Variants in TCFL5 observed in about 807,000 individuals in gnomAD.
The protein encoded by TCFL5 is transcription factor-like 5 protein.
Under a neutral mutation model 44.3 loss-of-function variants are expected in TCFL5, and 9 were observed. The ratio of observed to expected loss-of-function variants is 0.20; its 90% CI spans 0.12 to 0.35. The LOEUF is 0.35. Among genes scored for constraint, TCFL5 ranks in the 10% least tolerant of loss-of-function variants. The pLI is 1.00. For synonymous variants in TCFL5, 319 were observed against 271.6 expected (o/e 1.17, Z -1.72); for missense variants, 603 against 613.4 (o/e 0.98, Z 0.18).
At chr20:62,852,415 A>G (rs948283634) in intron 5 of TCFL5, 1 of 985,356 alleles carries the variant, frequency 1.0e-6, no homozygotes, top group African/African-American at 1.7e-5. Flanking sequence ...CCCCCAAGGC[A>G]GGGCCCAGAA....
At chr20:62,852,897 G>A in intron 5 of TCFL5, 3 of 1,289,706 alleles carry the variant, frequency 2.3e-6, no homozygotes, top group Non-Finnish European at 3.0e-6. Context: ...GTCTGCAGAA[G>A]TACATTCACC....
chr20:62,852,252 G>A, intron 5 of TCFL5: 5 of 985,432 alleles, frequency 5.1e-6, no homozygotes, highest in Non-Finnish European at 6.0e-6. Context: ...TTTCACTAAG[G>A]TCTGCTCACT....
At chr20:62,845,517 A>T in intron 5 of TCFL5, 1 of 1,433,800 alleles carries the variant, frequency 7.0e-7, no homozygotes, top group East Asian at 2.6e-5. Context: ...CTACATATAA[A>T]AAACACTTGC....
intron 5 of TCFL5, chr20:62,845,591 T>G: frequency 6.4e-7 from 1 of 1,550,890 alleles, no homozygotes; most frequent in Non-Finnish European, 8.7e-7. Flanking sequence ...CTGGGCCGGC[T>G]CCGGAGAAGT....
chr20:62,853,698 T>A (rs1343158507), intron 5 of TCFL5, among the ~76,000 whole-genome samples: 1 of 152,166 alleles, frequency 6.6e-6, no homozygotes, highest in Non-Finnish European at 1.5e-5. Flanking sequence ...CAAGTTTTTC[T>A]GAGGGCAAAT....
In TCFL5 at chr20:62,861,004, C is replaced by A; in HGVS notation, c.647+20G>T. 1 of 993,150 alleles carries A rather than the reference C, an allele frequency of 1.0e-6. No homozygotes were observed. The highest frequency in any genetic ancestry group is 1.2e-6 in the Non-Finnish European group (1 of 835,820). The allele number at this position is 993,150 out of a possible 1,614,324, so 61.5% of individuals were successfully genotyped here. A position where few individuals can be genotyped will look rare whatever the true frequency, so the allele number is the denominator to read the frequency against. The stretch of plus-strand genomic sequence containing the variant: ...GGCCTCCACCCGGGCCCCGCCAGCC[C>A]CCGGCCGCCGGGCACGCACTTGTTG... On this transcript the variant is annotated intron_variant, in intron 1 of 5. Coordinates refer to ENST00000335351, the MANE Select transcript of TCFL5 (RefSeq NM_006602.4). The surrounding 1 kb of genome is among the most constrained non-coding windows in gnomAD (Gnocchi z 4.0).
chr20:62,852,520 G>A (rs866570732), intron 5 of TCFL5: 7 of 985,366 alleles, frequency 7.1e-6, no homozygotes, highest in Non-Finnish European at 7.2e-6. Context: ...AGCCAACCAC[G>A]ATGGCTTGCT....
At chr20:62,847,181 C>CAA (rs11351521) in intron 5 of TCFL5, among the ~76,000 whole-genome samples, 4 of 100,268 alleles carry the variant, frequency 4.0e-5, no homozygotes, top group Non-Finnish European at 8.3e-5. Flanking sequence ...AACTTCATCT[C>CAA]AAAAAAAAAA....
At chr20:62,853,127 T>G (rs556524493) in intron 5 of TCFL5, among the ~76,000 whole-genome samples, 1 of 136,744 alleles carries the variant, frequency 7.3e-6, no homozygotes, top group South Asian at 2.3e-4. Flanking sequence ...TCCACAGAAG[T>G]ACAGTCACCC....
At chr20:62,853,830 G>T (rs190660864) in intron 5 of TCFL5, among the ~76,000 whole-genome samples, 186 bp downstream of exon 5, 4 of 152,332 alleles carry the variant, frequency 2.6e-5, no homozygotes, top group Admixed American at 2.0e-4. Flanking sequence ...CATGTAGGCT[G>T]TGACTATTAC....
rs866814384 is a variant in TCFL5 at position 62,856,126 on chromosome 20, T to C, written c.1238+1269A>G. ...TTAGCTGGGCGTAGTGGCGGGTACC[T>C]GTAATCCCAGCTACTGGGGAGGCTG... is the stretch of plus-strand genomic sequence containing the variant. On this transcript the variant is annotated intron_variant, in intron 4 of 5. Transcript: ENST00000335351. Among the ~76,000 whole-genome samples the C allele has an allele frequency of 1.9e-4, 28 of 149,108 alleles. 1 individual carries two copies. Among genetic ancestry groups the C allele is most frequent in the Middle Eastern group, 7.0e-3 (2 of 284 alleles).
chr20:62,861,037 C>A lies in TCFL5; in HGVS notation c.634G>T (p.Gly212Trp). 1.0e-6 allele frequency: 1 copy of A among 994,414 alleles called. No individual in the cohort carries two copies. Among genetic ancestry groups the A allele is most frequent in the South Asian group, 4.5e-5 (1 of 22,156 alleles). The allele number at this position is 994,414 out of a possible 1,614,324, so 61.6% of individuals were successfully genotyped here. A position where few individuals can be genotyped will look rare whatever the true frequency, so the allele number is the denominator to read the frequency against. ...CCGGGCACGCACTTGTTGAGCGCCCCGCCCGGCTCGGGGGGCTCGGGGCCG... is the reference window on the plus strand; with the variant it reads ...CCGGGCACGCACTTGTTGAGCGCCCAGCCCGGCTCGGGGGGCTCGGGGCCG... ...PRGPEPPEPG[G>W]ALNNLVTLIR... The change falls in exon 1 of 6, where the codon GGG (glycine) becomes TGG (tryptophan). Residue 212 changes from glycine to tryptophan, a missense_variant. Around this residue, in one of 4 missense-constraint regions of TCFL5, gnomAD observed 540 missense variants for 478.7 expected, o/e 1.13. Transcript: ENST00000335351. The surrounding 1 kb of genome is among the most constrained non-coding windows in gnomAD (Gnocchi z 4.0).
intron 5 of TCFL5, chr20:62,851,475 CA>C: frequency 1.0e-6 from 1 of 966,794 alleles, no homozygotes; most frequent in Non-Finnish European, 1.2e-6. Flanking sequence ...TACACAAAGC[CA>C]AAACATTAAA....
rs1364031853 is a variant in TCFL5 at position 62,841,786 on chromosome 20, G to A, written c.*189C>T. The A allele has an allele frequency of 3.6e-6, 2 of 557,902 alleles. No homozygotes were observed. Among genetic ancestry groups the A allele is most frequent in the Non-Finnish European group, 5.8e-6 (2 of 346,328 alleles). 34.6% of individuals were successfully genotyped at this position (557,902 alleles called of 1,614,324 possible). On this transcript the variant is annotated 3_prime_UTR_variant, in exon 6 of 6. Coordinates refer to ENST00000335351, the MANE Select transcript of TCFL5 (RefSeq NM_006602.4). ...CCAAATGGTCTAAGAGGACATTCAT[G>A]GATAAGCATTTGCGTCTAGATAAAT...
chr20:62,845,685 G>C, intron 5 of TCFL5: 1 of 1,606,760 alleles, frequency 6.2e-7, no homozygotes, highest in Non-Finnish European at 8.5e-7. Flanking sequence ...TCATGACGAG[G>C]TGGAAATCGA....
chr20:62,860,958 C>T, intron 1 of TCFL5, 66 bp downstream of exon 1: 1 of 823,076 alleles, frequency 1.2e-6, no homozygotes, highest in Non-Finnish European at 1.4e-6. Flanking sequence ...TTGCCTCCGC[C>T]CCGGCCCCGG....
intron 4 of TCFL5, among the ~76,000 whole-genome samples, chr20:62,854,921 G>A (rs759631722): frequency 7.2e-5 from 11 of 152,284 alleles, no homozygotes; most frequent in African/African-American, 9.6e-5. Flanking sequence ...GACATTGAGC[G>A]AAACACTCTT....
Position 62,851,419 on chromosome 20 carries a change from T to C in TCFL5, c.1380+2597A>G, listed in dbSNP as rs537543383. ...ATTTTTTAATTTCAAAAATTATAAA[T>C]GCCTTCGTCTTGAGTAAATCAGATC... On this transcript the variant is annotated intron_variant, in intron 5 of 5. Coordinates refer to ENST00000335351, the MANE Select transcript of TCFL5 (RefSeq NM_006602.4). The C allele has an allele frequency of 9.1e-6, 6 of 659,594 alleles. No individual in the cohort carries two copies. In the South Asian group the frequency reaches 4.1e-4, roughly 45 times the overall value. 40.9% of individuals were successfully genotyped at this position (659,594 alleles called of 1,614,324 possible).
At chr20:62,847,491 C>T (rs1459095951) in intron 5 of TCFL5, among the ~76,000 whole-genome samples, 1 of 152,256 alleles carries the variant, frequency 6.6e-6, no homozygotes, top group Non-Finnish European at 1.5e-5. Flanking sequence ...AAGACTCCAG[C>T]ACGGCCCAGG....
Sources: gnomAD v4.1 joint callset for allele counts (sites outside exome capture counted in the v4.1 genomes callset) on GRCh38, gnomAD v4.1.1 for gene constraint, gnomAD v4.1.1 regional missense constraint, Gnocchi (gnomAD v3.1) non-coding constraint, MANE v1.5 for transcripts, NCBI Gene and HGNC (gene_info 2026-07-23, HGNC 2026-07-21) for gene names.